Variants in TCERG1 observed in about 807,000 individuals in gnomAD.
TCERG1 encodes transcription elongation regulator 1.
Under a neutral mutation model 144.7 loss-of-function variants are expected in TCERG1, and 37 were observed. The observed-to-expected ratio is 0.26, with a 90% CI of 0.20 to 0.34. TCERG1 has a LOEUF of 0.34. Ranked by LOEUF, TCERG1 falls within the 10% of genes least tolerant of loss-of-function variation. The pLI is 1.00. For missense variants in TCERG1, 1,027 were observed against 1,380.7 expected (o/e 0.74, Z 4.06); for synonymous variants, 492 against 458.2 (o/e 1.07, Z -0.94).
Position 146,498,764 on chromosome 5 carries a change from A to C in TCERG1, c.2433+78A>C, listed in dbSNP as rs547515930. 4.2e-6 allele frequency: 6 copies of C among 1,438,060 alleles called. No homozygotes were observed. In the East Asian group the frequency reaches 1.5e-4, roughly 35 times the overall value. The allele number at this position is 1,438,060 out of a possible 1,614,324, so 89.1% of individuals were successfully genotyped here. A position where few individuals can be genotyped will look rare whatever the true frequency, so the allele number is the denominator to read the frequency against. On this transcript the variant is annotated intron_variant, in intron 17 of 22. Transcript: ENST00000679501. Reference sequence around the variant, plus strand: ...GGTCTATGCTGGTGTTATGTTTCTAACCTTATTCATTGGCATAAATAATAG... The same window carrying C: ...GGTCTATGCTGGTGTTATGTTTCTACCCTTATTCATTGGCATAAATAATAG...
intron 1 of TCERG1, 84 bp from the exon 2 acceptor site, chr5:146,454,972 A>C: frequency 7.0e-7 from 1 of 1,438,420 alleles, no homozygotes; most frequent in Non-Finnish European, 9.5e-7. Flanking sequence ...GAACCTTTTA[A>C]ATTTGATGGA....
At chr5:146,483,321 G>T (rs1358643907) in intron 14 of TCERG1, among the ~76,000 whole-genome samples, 1 of 152,040 alleles carries the variant, frequency 6.6e-6, no homozygotes, top group Non-Finnish European at 1.5e-5. Flanking sequence ...GTAATTAAGT[G>T]TCTGTTATTT....
rs1227994666 is a variant in TCERG1, at chr5:146,469,612, C to T, written c.1267C>T (p.Pro423Ser). The T allele has an allele frequency of 2.5e-6, 4 of 1,613,514 alleles. No homozygotes were observed. Among genetic ancestry groups the T allele is most frequent in the East Asian group, 2.2e-5 (1 of 44,792 alleles). Residue 423 changes from proline to serine, a missense_variant, in exon 7 of 23, where the codon CCT becomes TCT. Transcript: ENST00000679501. ...TCCCCAGGTTGCTATTGCAGCTTCA[C>T]CTGCTACCTTAGCTGGAGCAACAGC... ...IHPQVAIAAS[P>S]ATLAGATAVS...
chr5:146,466,608 A>C (rs1479698669), intron 5 of TCERG1, among the ~76,000 whole-genome samples: 1 of 152,208 alleles, frequency 6.6e-6, no homozygotes, highest in African/African-American at 2.4e-5. Flanking sequence ...TCTAAAAAAA[A>C]AGGTTAAAAA....
intron 15 of TCERG1, among the ~76,000 whole-genome samples, chr5:146,486,089 C>CT (rs201751576): frequency 0.043 from 6,566 of 152,248 alleles, 244 homozygotes; most frequent in East Asian, 0.2. Context: ...AAAATAAACA[C>CT]GTTTTTTGAA....
intron 9 of TCERG1, among the ~76,000 whole-genome samples, chr5:146,474,705 A>G (rs942648839): frequency 1.3e-5 from 2 of 152,220 alleles, no homozygotes; most frequent in African/African-American, 4.8e-5. Context: ...TTCAGCCATC[A>G]AGAGATTGAG....
chr5:146,493,275 C>G (rs966447296), intron 16 of TCERG1, among the ~76,000 whole-genome samples: 1 of 151,898 alleles, frequency 6.6e-6, no homozygotes, highest in Non-Finnish European at 1.5e-5. Context: ...GGAATAAGTT[C>G]TTTAGAAACT....
At chr5:146,485,454 ATC>A (rs536744715) in intron 15 of TCERG1, among the ~76,000 whole-genome samples, 37 of 152,332 alleles carry the variant, frequency 2.4e-4, no homozygotes, top group Admixed American at 1.7e-3. Context: ...TAATCTAAAT[ATC>A]TCTGAAGGCT....
chr5:146,465,467 G>A (rs1244076331), intron 5 of TCERG1, among the ~76,000 whole-genome samples: 1 of 151,934 alleles, frequency 6.6e-6, no homozygotes. Flanking sequence ...AATCCCTCTG[G>A]CTCTAGCTTC....
At position 146,507,241 on chromosome 5, in the gene TCERG1, G is replaced by A. The variant is rs750693709; in HGVS notation, c.2961+34G>A. The A allele has an allele frequency of 5.3e-6, 8 of 1,517,902 alleles. No homozygotes were observed. In the East Asian group the frequency reaches 1.9e-4, roughly 35 times the overall value. The allele number at this position is 1,517,902 out of a possible 1,614,324, so 94.0% of individuals were successfully genotyped here. A position where few individuals can be genotyped will look rare whatever the true frequency, so the allele number is the denominator to read the frequency against. Reference sequence around the variant, plus strand: ...CTCTTATTTTTCTCATTTTAATCTGGATGAATCTTGTTAGTAATTTCTTAA... The same window carrying A: ...CTCTTATTTTTCTCATTTTAATCTGAATGAATCTTGTTAGTAATTTCTTAA... On this transcript the variant is annotated intron_variant, in intron 20 of 22. Transcript: ENST00000679501. The surrounding 1 kb of genome is among the most constrained non-coding windows in gnomAD (Gnocchi z 4.6).
At chr5:146,495,455 G>A (rs934115778) in intron 16 of TCERG1, among the ~76,000 whole-genome samples, 16 of 152,020 alleles carry the variant, frequency 1.1e-4, no homozygotes, top group African/African-American at 3.9e-4. Context: ...TCCCTTTTCT[G>A]GAATATACAT....
chr5:146,455,291 G>T lies in TCERG1; in HGVS notation c.285+10G>T, dbSNP rs747349891. 7 of 1,613,042 alleles carry T rather than the reference G, an allele frequency of 4.3e-6. No homozygotes were observed. The highest frequency in any genetic ancestry group is 1.6e-4 in the Middle Eastern group (1 of 6,072). ...CCCTCCACACCTCCAGGTAAAGAAT[G>T]TAGAGGTTGCCATTTCTTTGTTGGC... On this transcript the variant is annotated intron_variant, in intron 2 of 22. Coordinates refer to ENST00000679501, the MANE Select transcript of TCERG1 (RefSeq NM_001382548.1).
chr5:146,489,540 A>G, intron 15 of TCERG1, among the ~76,000 whole-genome samples: 1 of 152,310 alleles, frequency 6.6e-6, no homozygotes, highest in African/African-American at 2.4e-5. Flanking sequence ...TCAGTGTGAA[A>G]TTAAAAATAT....
At chr5:146,471,391 G>A (rs1764282174) in intron 8 of TCERG1, 97 bp from the exon 9 acceptor site, 2 of 1,051,122 alleles carry the variant, frequency 1.9e-6, no homozygotes, top group Non-Finnish European at 1.4e-6. Flanking sequence ...AGCAGATTTT[G>A]TGTTGATTGC....
intron 1 of TCERG1, 26 bp from the exon 2 acceptor site, chr5:146,455,030 A>C: frequency 6.2e-7 from 1 of 1,609,078 alleles, no homozygotes; most frequent in Non-Finnish European, 8.5e-7. Flanking sequence ...AAGAAAGAAA[A>C]ATTTATTCCT....
At chr5:146,459,373 C>T (rs1167045376) in intron 4 of TCERG1, 36 bp downstream of exon 4, 1 of 1,592,300 alleles carries the variant, frequency 6.3e-7, no homozygotes, top group African/African-American at 1.3e-5. Flanking sequence ...TATATAGGGG[C>T]TAGAGACATG....
chr5:146,502,674 A>G (rs1459369819), intron 17 of TCERG1, among the ~76,000 whole-genome samples: 1 of 152,200 alleles, frequency 6.6e-6, no homozygotes, highest in Non-Finnish European at 1.5e-5. Context: ...TTCTGAGTTT[A>G]TAATGTTATA....
intron 7 of TCERG1, 56 bp downstream of exon 7, chr5:146,469,800 G>T (rs973334896): frequency 2.5e-6 from 3 of 1,204,578 alleles, no homozygotes; most frequent in Non-Finnish European, 3.3e-6. Flanking sequence ...AAGTAGAATG[G>T]TATTTGAAAT....
At position 146,478,617 on chromosome 5, in the gene TCERG1, C is replaced by A. The variant is rs1196480457; in HGVS notation, c.1726C>A (p.Pro576Thr). 1.9e-6 allele frequency: 3 copies of A among 1,602,394 alleles called. No individual in the cohort carries two copies. The highest frequency in any genetic ancestry group is 2.6e-6 in the Non-Finnish European group (3 of 1,176,246). ...TGTTGACAAAATTATTCAGGAGCCC[C>A]CTCATAAAAAAGGAATGGAGGAATT... ...ADVDKIIQEPPHKKGMEELKK... is the reference protein window; with the variant it reads ...ADVDKIIQEPTHKKGMEELKK... Residue 576 changes from proline (P) to threonine (T), a missense_variant, in exon 10 of 23, where the codon CCT becomes ACT. Around this residue, in one of 6 missense-constraint regions of TCERG1, gnomAD observed 482 missense variants for 632.6 expected, o/e 0.76. Transcript: ENST00000679501.
Sources: gnomAD v4.1 joint callset for allele counts (sites outside exome capture counted in the v4.1 genomes callset) on GRCh38, gnomAD v4.1.1 for gene constraint, gnomAD v4.1.1 regional missense constraint, Gnocchi (gnomAD v3.1) non-coding constraint, MANE v1.5 for transcripts, NCBI Gene and HGNC (gene_info 2026-07-23, HGNC 2026-07-21) for gene names.